Variants in FLT1 observed in about 807,000 individuals in gnomAD.
The protein encoded by FLT1 is vascular endothelial growth factor receptor 1.
Under a neutral mutation model 156.3 loss-of-function variants are expected in FLT1, and 49 were observed. That is an observed-to-expected ratio of 0.31 (90% CI 0.25 to 0.40). The LOEUF is 0.40. Ranked by LOEUF, FLT1 falls within the 10% of genes least tolerant of loss-of-function variation. FLT1 has a pLI of 1.00. For missense variants in FLT1, 1,322 were observed against 1,637.2 expected (o/e 0.81, Z 3.32); for synonymous variants, 594 against 583.8 (o/e 1.02, Z -0.25).
rs145485644 is a variant in FLT1, at chr13:28,338,770, C to A, written c.2488+398G>T. ...ATGTTCTGGATCACATATTTCTAAT[C>A]CCTCAACAGTTTCATTATGTAAGCG... On this transcript the variant is annotated intron_variant, in intron 17 of 29. Coordinates refer to ENST00000282397, the MANE Select transcript of FLT1 (RefSeq NM_002019.4). Among the ~76,000 whole-genome samples, 271 of 152,280 alleles carry A rather than the reference C, an allele frequency of 1.8e-3. 1 individual carries two copies. Among genetic ancestry groups the A allele is most frequent in the Non-Finnish European group, 3.3e-3 (227 of 68,018 alleles).
intron 14 of FLT1, among the ~76,000 whole-genome samples, chr13:28,381,077 C>T (rs886671966): frequency 2.6e-5 from 4 of 152,146 alleles, no homozygotes; most frequent in Non-Finnish European, 5.9e-5. Context: ...CTTGCCTTGT[C>T]TCTCCTCTAG....
chr13:28,371,400 C>T (rs556974749), intron 14 of FLT1, among the ~76,000 whole-genome samples: 59 of 152,280 alleles, frequency 3.9e-4, no homozygotes, highest in African/African-American at 1.3e-3. Context: ...TGAAGTCTCT[C>T]GCTGTCTCAC....
intron 1 of FLT1, among the ~76,000 whole-genome samples, chr13:28,486,417 C>G (rs929724486): frequency 1.3e-5 from 2 of 152,210 alleles, no homozygotes; most frequent in African/African-American, 4.8e-5. Context: ...ATCCCAGCAC[C>G]GGAAATGCAG....
intron 1 of FLT1, among the ~76,000 whole-genome samples, chr13:28,484,096 C>T (rs1881006820): frequency 6.6e-6 from 1 of 152,222 alleles, no homozygotes; most frequent in Admixed American, 6.5e-5. Context: ...ATGGAGTTAA[C>T]ACAGAAAGTG....
At position 28,494,872 on chromosome 13, in the gene FLT1, G is replaced by C. The variant is rs1312923846; in HGVS notation, c.-29C>G. The C allele has an allele frequency of 3.3e-6, 5 of 1,514,256 alleles. No individual in the cohort carries two copies. Among genetic ancestry groups the C allele is most frequent in the Admixed American group, 4.0e-5 (2 of 49,436 alleles). 93.8% of individuals were successfully genotyped at this position (1,514,256 alleles called of 1,614,324 possible). A position where few individuals can be genotyped will look rare whatever the true frequency, so the allele number is the denominator to read the frequency against. On this transcript the variant is annotated 5_prime_UTR_variant, in exon 1 of 30. Coordinates refer to ENST00000282397, the MANE Select transcript of FLT1 (RefSeq NM_002019.4). ...GAGCGCGACGCGGCCTGCTCGCCCG[G>C]TGCCCGCGCTCCCCGCGGCCAACGA...
rs1386614167 is a variant in FLT1 at position 28,439,573 on chromosome 13, C to A, written c.389-1228G>T. On this transcript the variant is annotated intron_variant, in intron 3 of 29. Coordinates refer to ENST00000282397, the MANE Select transcript of FLT1 (RefSeq NM_002019.4). The surrounding 1 kb of genome is among the most constrained non-coding windows in gnomAD (Gnocchi z 4.1). ...CCCCCTGTACTTCTGAATGTAACCT[C>A]ATTTGAAAACAGGATTGTTGCAAAT... Among the ~76,000 whole-genome samples, 1 of 152,210 alleles carries A rather than the reference C, an allele frequency of 6.6e-6. No individual in the cohort carries two copies. Among genetic ancestry groups the A allele is most frequent in the Non-Finnish European group, 1.5e-5 (1 of 68,042 alleles).
rs948859198 is a variant in FLT1 at position 28,445,954 on chromosome 13, T to C, written c.389-7609A>G. On this transcript the variant is annotated intron_variant, in intron 3 of 29. Transcript: ENST00000282397. ...TCAGAAACATATAAAAAGAATTATA[T>C]ACAATGCCCAAGTGGGATTTTTTTC... Among the ~76,000 whole-genome samples the C allele has an allele frequency of 2.0e-5, 3 of 151,926 alleles. 1 individual carries two copies. The highest frequency in any genetic ancestry group is 6.6e-5 in the Admixed American group (1 of 15,256).
At chr13:28,465,843 C>A (rs1027098845) in intron 3 of FLT1, among the ~76,000 whole-genome samples, 3 of 151,992 alleles carry the variant, frequency 2.0e-5, no homozygotes, top group Non-Finnish European at 2.9e-5. Flanking sequence ...CTCAAAAAAA[C>A]AAACAAACAA....
rs527826493 is a variant in FLT1, at chr13:28,357,787, G to T, written c.2117-102C>A. The stretch of plus-strand genomic sequence containing the variant: ...TTCCTATCATTATGCATTCAGACAA[G>T]GAAATCCGAGCTCTAGTGAACCTGG... On this transcript the variant is annotated intron_variant, in intron 14 of 29. Coordinates refer to ENST00000282397, the MANE Select transcript of FLT1 (RefSeq NM_002019.4). 1.4e-5 allele frequency: 15 copies of T among 1,090,710 alleles called. 1 individual carries two copies. In the South Asian group the frequency reaches 1.6e-4, roughly 12 times the overall value. 67.6% of individuals were successfully genotyped at this position (1,090,710 alleles called of 1,614,324 possible). A position where few individuals can be genotyped will look rare whatever the true frequency, so the allele number is the denominator to read the frequency against.
rs923772407 is a variant in FLT1 at position 28,320,444 on chromosome 13, C to T, written c.3175-910G>A. 4.6e-5 allele frequency among the ~76,000 whole-genome samples: 7 copies of T among 152,094 alleles called. No homozygotes were observed. In the East Asian group the frequency reaches 9.6e-4, roughly 21 times the overall value. On this transcript the variant is annotated intron_variant, in intron 23 of 29. Transcript: ENST00000282397. ...CAGCACCTTCTAGAACAAACATGTC[C>T]AATTCCTGGCCCGCGGGCCACATGT...
At chr13:28,309,884 CTTTTT>C (rs60568918) in intron 27 of FLT1, among the ~76,000 whole-genome samples, 31 of 90,858 alleles carry the variant, frequency 3.4e-4, no homozygotes, top group Non-Finnish European at 4.2e-4. Context: ...TTCTTTTTTC[CTTTTT>C]TTTTTTTTTT....
intron 14 of FLT1, among the ~76,000 whole-genome samples, chr13:28,371,845 T>C (rs1476729873): frequency 4.6e-5 from 7 of 151,860 alleles, no homozygotes; most frequent in Non-Finnish European, 1.5e-5. Flanking sequence ...TCTTGGGGTC[T>C]TGGAACAGGT....
chr13:28,312,594 G>T (rs1052645515), intron 25 of FLT1, among the ~76,000 whole-genome samples: 1 of 152,112 alleles, frequency 6.6e-6, no homozygotes, highest in Non-Finnish European at 1.5e-5. Flanking sequence ...TTGTAACAAA[G>T]GTTGGTTTGA....
chr13:28,335,244 G>A (rs1487402988), intron 17 of FLT1, among the ~76,000 whole-genome samples: 3 of 152,072 alleles, frequency 2.0e-5, no homozygotes, highest in African/African-American at 7.2e-5. Context: ...TTTTCTTGGG[G>A]GAAGGGGAAA....
intron 15 of FLT1, 89 bp downstream of exon 15, chr13:28,357,465 G>T: frequency 1.5e-6 from 2 of 1,319,774 alleles, no homozygotes; most frequent in Non-Finnish European, 2.2e-6. Flanking sequence ...ACTGGAGCAG[G>T]CAGCAGGAGA....
At chr13:28,349,730 C>T (rs546426115) in intron 15 of FLT1, among the ~76,000 whole-genome samples, 5 of 152,288 alleles carry the variant, frequency 3.3e-5, no homozygotes, top group Admixed American at 2.0e-4. Flanking sequence ...TCTAATTCCA[C>T]AGTCCTTACT....
intron 3 of FLT1, among the ~76,000 whole-genome samples, chr13:28,462,688 G>C (rs1879648461): frequency 6.6e-6 from 1 of 152,120 alleles, no homozygotes; most frequent in African/African-American, 2.4e-5. Context: ...CTGGCTGTGG[G>C]ACCAAGTGGC....
At position 28,439,295 on chromosome 13, in the gene FLT1, T is replaced by C. The variant is rs1247698864; in HGVS notation, c.389-950A>G. On this transcript the variant is annotated intron_variant, in intron 3 of 29. Transcript: ENST00000282397. The surrounding 1 kb of genome is among the most constrained non-coding windows in gnomAD (Gnocchi z 4.1). ...TCGTCCCGCATTTGTTCCAGCCTTA[T>C]ATACTAAATGGAAAGAAGTCCTGTG... is the stretch of plus-strand genomic sequence containing the variant. 2.0e-5 allele frequency among the ~76,000 whole-genome samples: 3 copies of C among 152,194 alleles called. No individual in the cohort carries two copies. The highest frequency in any genetic ancestry group is 6.5e-5 in the Admixed American group (1 of 15,280).
intron 20 of FLT1, among the ~76,000 whole-genome samples, chr13:28,325,433 C>G (rs565149536): frequency 6.6e-6 from 1 of 152,220 alleles, no homozygotes; most frequent in Non-Finnish European, 1.5e-5. Context: ...GGTGTGTGTC[C>G]TTAAGCGAAT....
Sources: allele counts gnomAD v4.1 joint callset (sites outside exome capture counted in the v4.1 genomes callset), GRCh38; gene constraint gnomAD v4.1.1; non-coding constraint Gnocchi (gnomAD v3.1); transcripts MANE v1.5; gene names NCBI Gene and HGNC (gene_info 2026-07-23, HGNC 2026-07-21).